The following NCKAP1L variants were observed in gnomAD, a reference collection of about 807,000 sequenced individuals.
NCKAP1L encodes nck-associated protein 1-like.
In NCKAP1L, 53 loss-of-function variants were observed where a neutral mutation model predicts 139.2. That is an observed-to-expected ratio of 0.38 (90% confidence interval 0.31 to 0.48). The LOEUF is 0.48. Ranked by LOEUF, NCKAP1L falls within the 20% of genes least tolerant of loss-of-function variation. NCKAP1L has a pLI of 0.98. For missense variants in NCKAP1L, 1,151 were observed against 1,381.9 expected (o/e 0.83, Z 2.65); for synonymous variants, 468 against 499.7 (o/e 0.94, Z 0.85).
intron 9 of NCKAP1L, 167 bp downstream of exon 9, chr12:54,512,272 T>A: frequency 3.2e-6 from 2 of 627,716 alleles, no homozygotes; most frequent in Middle Eastern, 4.6e-4. Context: ...CTTCACTGGG[T>A]TTTAGGGACA....
At chr12:54,509,135 A>C (rs1184261899) in intron 5 of NCKAP1L, among the ~76,000 whole-genome samples, 2 of 152,174 alleles carry the variant, frequency 1.3e-5, no homozygotes, top group Non-Finnish European at 2.9e-5. Flanking sequence ...CCAAATATAA[A>C]TGGATTTTGA....
At position 54,531,427 on chromosome 12, in the gene NCKAP1L, G is replaced by T. The variant is rs914919317; in HGVS notation, c.2605-64G>T. On this transcript the variant is annotated intron_variant, in intron 23 of 30. Coordinates refer to ENST00000293373, the MANE Select transcript of NCKAP1L (RefSeq NM_005337.5). ...AAAGAGGGTGGGTATAGGAGACTGG[G>T]GGGGAAGATGTAACATTGGTCTCTT... 8 of 1,606,460 alleles carry T rather than the reference G, an allele frequency of 5.0e-6. No homozygotes were observed. The South Asian group carries it at 6.6e-5, about 13-fold the overall frequency.
intron 1 of NCKAP1L, among the ~76,000 whole-genome samples, chr12:54,498,399 T>TGTGTGTGTG (rs1956767799): frequency 1.4e-5 from 2 of 142,296 alleles, no homozygotes; most frequent in African/African-American, 2.6e-5. Context: ...GCTGTGGTGG[T>TGTGTGTGTG]TGTGTGTGTG....
intron 29 of NCKAP1L, 152 bp downstream of exon 29, chr12:54,537,205 G>A: frequency 1.9e-6 from 1 of 531,062 alleles, no homozygotes. Flanking sequence ...TATGTGAAAG[G>A]CAAGAGTTTC....
At chr12:54,531,924 C>A in intron 25 of NCKAP1L, 99 bp downstream of exon 25, 1 of 1,069,142 alleles carries the variant, frequency 9.4e-7, no homozygotes, top group Non-Finnish European at 1.4e-6. Flanking sequence ...TCAGTTTTAA[C>A]TTCTGCTTCA....
intron 3 of NCKAP1L, among the ~76,000 whole-genome samples, chr12:54,504,298 C>T (rs1956825091): frequency 6.6e-6 from 1 of 152,038 alleles, no homozygotes; most frequent in Admixed American, 6.6e-5. Flanking sequence ...TGTTCTGTGC[C>T]TACCCTAGGA....
chr12:54,538,959 C>T lies in NCKAP1L; in HGVS notation c.3259C>T (p.Leu1087=), dbSNP rs750027447. ...AACCAGAAATCGAGAATCCATTTCT[C>T]TGCTCATGCGCTTGGTAAGTACCTT... ...LKTRNRESIS[L]LMRLVVEESS... is the part of the protein sequence containing the mutation. The change falls in exon 30 of 31, where the codon CTG becomes TTG. Residue 1087 remains leucine, a synonymous_variant. Transcript: ENST00000293373. The T allele has an allele frequency of 2.5e-6, 4 of 1,613,900 alleles. No individual in the cohort carries two copies. Among genetic ancestry groups the T allele is most frequent in the Non-Finnish European group, 2.5e-6 (3 of 1,179,814 alleles).
At chr12:54,505,699 G>A (rs1327784672) in intron 3 of NCKAP1L, among the ~76,000 whole-genome samples, 1 of 143,998 alleles carries the variant, frequency 6.9e-6, no homozygotes, top group East Asian at 2.0e-4. Context: ...TTTCACTCTT[G>A]TTGCCCAGGC....
At chr12:54,506,804 T>TAC (rs1956844548) in intron 3 of NCKAP1L, among the ~76,000 whole-genome samples, 1 of 128,000 alleles carries the variant, frequency 7.8e-6, no homozygotes, top group Non-Finnish European at 1.6e-5. Flanking sequence ...AAAATATATA[T>TAC]ATATATATAT....
intron 5 of NCKAP1L, among the ~76,000 whole-genome samples, chr12:54,508,883 G>A (rs760358089): frequency 4.2e-4 from 64 of 152,162 alleles, no homozygotes; most frequent in Non-Finnish European, 7.2e-4. Context: ...ATTGGCATAC[G>A]TGGGAGTCTT....
intron 29 of NCKAP1L, among the ~76,000 whole-genome samples, chr12:54,538,005 A>G (rs1957126112): frequency 6.6e-6 from 1 of 152,198 alleles, no homozygotes; most frequent in Non-Finnish European, 1.5e-5. Context: ...AATTTTGTTC[A>G]TATACTTCTG....
chr12:54,543,967 C>T lies in NCKAP1L; in HGVS notation c.*1282C>T, dbSNP rs369846571. The T allele has an allele frequency of 4.6e-5, 7 of 152,196 alleles. No individual in the cohort carries two copies. The highest frequency in any genetic ancestry group is 2.1e-4 in the South Asian group (1 of 4,830). The allele number at this position is 152,196 out of a possible 1,614,324, so 9.4% of individuals were successfully genotyped here. ...AGCAGTTGTCGGTTTTCAGCAAAAA[C>T]GATTCAGCCTTCCTGAAGCCTATTT... On this transcript the variant is annotated 3_prime_UTR_variant, in exon 31 of 31. Coordinates refer to ENST00000293373, the MANE Select transcript of NCKAP1L (RefSeq NM_005337.5).
chr12:54,526,877 T>C (rs1172648485), intron 21 of NCKAP1L, 131 bp downstream of exon 21: 2 of 718,912 alleles, frequency 2.8e-6, no homozygotes, highest in Non-Finnish European at 4.7e-6. Context: ...TTGCTTCTCC[T>C]TGAGGAATGG....
chr12:54,503,610 T>C, intron 3 of NCKAP1L, among the ~76,000 whole-genome samples: 1 of 151,662 alleles, frequency 6.6e-6, no homozygotes, highest in Non-Finnish European at 1.5e-5. Flanking sequence ...CACACATATA[T>C]ATATATACAC....
intron 9 of NCKAP1L, among the ~76,000 whole-genome samples, chr12:54,514,635 A>C (rs889675919): frequency 6.6e-6 from 1 of 152,122 alleles, no homozygotes; most frequent in Non-Finnish European, 1.5e-5. Flanking sequence ...GAATCTGTGA[A>C]TATTTCTATA....
chr12:54,526,962 C>T (rs1261374576), intron 21 of NCKAP1L, among the ~76,000 whole-genome samples: 1 of 152,240 alleles, frequency 6.6e-6, no homozygotes, highest in Non-Finnish European at 1.5e-5. Flanking sequence ...CTGGAACATC[C>T]TTCAGCCTAC....
rs374067135 is a variant in NCKAP1L, at chr12:54,519,280, C to T, written c.1573C>T (p.Leu525=). 5 of 1,589,886 alleles carry T rather than the reference C, an allele frequency of 3.1e-6. No homozygotes were observed. The highest frequency in any genetic ancestry group is 4.3e-6 in the Non-Finnish European group (5 of 1,173,810). The change falls in exon 16 of 31, where the codon CTG becomes TTG. Residue 525 remains leucine, a synonymous_variant. Coordinates refer to ENST00000293373, the MANE Select transcript of NCKAP1L (RefSeq NM_005337.5). ...CCTCATTGTCTTCCACTCCCGAATGCTGGACTCCGTAGAAAAATTGCTGGT... is the reference window on the plus strand; with the variant it reads ...CCTCATTGTCTTCCACTCCCGAATGTTGGACTCCGTAGAAAAATTGCTGGT... ...MNLIVFHSRM[L]DSVEKLLVET... is the part of the protein sequence containing the mutation.
chr12:54,511,908 A>G, intron 8 of NCKAP1L, 41 bp from the exon 9 acceptor site: 1 of 1,614,094 alleles, frequency 6.2e-7, no homozygotes, highest in Non-Finnish European at 8.5e-7. Context: ...ATGAAGAACA[A>G]GTTCTAAAAG....
At position 54,528,396 on chromosome 12, in the gene NCKAP1L, C is replaced by A; in HGVS notation, c.2506+19C>A. 6.2e-7 allele frequency: 1 copy of A among 1,611,156 alleles called. No individual in the cohort carries two copies. Among genetic ancestry groups the A allele is most frequent in the South Asian group, 1.1e-5 (1 of 90,678 alleles). ...ATCTCTGGTGAGCTCAGGGCCTGGTCTTCTTGTCAAGGAGCTGAGCCCTTC... is the reference window on the plus strand; with the variant it reads ...ATCTCTGGTGAGCTCAGGGCCTGGTATTCTTGTCAAGGAGCTGAGCCCTTC... On this transcript the variant is annotated intron_variant, in intron 22 of 30. Coordinates refer to ENST00000293373, the MANE Select transcript of NCKAP1L (RefSeq NM_005337.5).
Sources: allele counts gnomAD v4.1 joint callset (sites outside exome capture counted in the v4.1 genomes callset), GRCh38; gene constraint gnomAD v4.1.1; transcripts MANE v1.5; gene names NCBI Gene and HGNC (gene_info 2026-07-23, HGNC 2026-07-21).